Variants in SAMTOR observed in about 807,000 individuals in gnomAD.
SAMTOR encodes UPF0532 protein C7orf60.
chr7:112,902,462 C>CAAAA, the SAMTOR span, among the ~76,000 whole-genome samples: 67 of 83,624 alleles, frequency 8.0e-4, no homozygotes, highest in East Asian at 2.2e-3. Context: ...AAAAAAAAAC[C>CAAAA]AAAAAAGTTG....
the SAMTOR span, among the ~76,000 whole-genome samples, chr7:112,880,051 G>A: frequency 6.6e-6 from 1 of 152,058 alleles, no homozygotes; most frequent in East Asian, 1.9e-4. Context: ...TTTTTTGAAT[G>A]CTGTACCTCT....
chr7:112,922,820 G>T, the SAMTOR span, among the ~76,000 whole-genome samples: 2 of 151,106 alleles, frequency 1.3e-5, no homozygotes, highest in Admixed American at 1.3e-4. Context: ...CGCCCCGTCC[G>T]GGAGGGAGGT....
At chr7:112,881,971 T>C in the SAMTOR span, among the ~76,000 whole-genome samples, 4 of 152,336 alleles carry the variant, frequency 2.6e-5, no homozygotes, top group East Asian at 1.9e-4. Flanking sequence ...CCCAGACCAA[T>C]TGGCTCCCTG....
At chr7:112,939,510 C>T in the SAMTOR span, 1 of 1,601,538 alleles carries the variant, frequency 6.2e-7, no homozygotes, top group Non-Finnish European at 8.5e-7. Flanking sequence ...TAATGGTGGC[C>T]TCTTTGGAGG....
the SAMTOR span, among the ~76,000 whole-genome samples, chr7:112,857,617 G>A: frequency 4.6e-5 from 7 of 152,260 alleles, no homozygotes; most frequent in African/African-American, 1.7e-4. Flanking sequence ...AAATGAAAAA[G>A]TTTCAGAGCT....
chr7:112,893,893 C>T, the SAMTOR span, among the ~76,000 whole-genome samples: 4 of 152,328 alleles, frequency 2.6e-5, no homozygotes, highest in South Asian at 4.1e-4. Context: ...CAGAGCGAGA[C>T]TCCGTCTCAA....
At chr7:112,878,629 T>C in the SAMTOR span, among the ~76,000 whole-genome samples, 1 of 152,148 alleles carries the variant, frequency 6.6e-6, no homozygotes, top group African/African-American at 2.4e-5. Flanking sequence ...TGTAAAAGGA[T>C]GTTCTAGGCA....
chr7:112,935,390 G>A, the SAMTOR span: 2 of 270,328 alleles, frequency 7.4e-6, no homozygotes, highest in African/African-American at 2.3e-5. Flanking sequence ...TAGCCTTTTT[G>A]GTTTAAAATT....
At chr7:112,844,223 A>T in the SAMTOR span, among the ~76,000 whole-genome samples, 1 of 152,128 alleles carries the variant, frequency 6.6e-6, no homozygotes, top group Admixed American at 6.6e-5. Context: ...GCACATGACA[A>T]GGATGCCCTC....
the SAMTOR span, among the ~76,000 whole-genome samples, chr7:112,859,984 C>G: frequency 6.6e-6 from 1 of 152,172 alleles, no homozygotes; most frequent in African/African-American, 2.4e-5. Context: ...CACTCATTCA[C>G]TCTCACCCAG....
chr7:112,929,192 T>G, the SAMTOR span, among the ~76,000 whole-genome samples: 4 of 151,696 alleles, frequency 2.6e-5, no homozygotes, highest in Admixed American at 6.6e-5. Context: ...ATATACCTGA[T>G]AAGGGGTTAA....
chr7:112,887,705 T>A, the SAMTOR span, among the ~76,000 whole-genome samples: 1 of 152,218 alleles, frequency 6.6e-6, no homozygotes, highest in African/African-American at 2.4e-5. Context: ...GTCTATTTCA[T>A]CCAAGTTATC....
the SAMTOR span, among the ~76,000 whole-genome samples, chr7:112,842,017 C>G: frequency 6.6e-6 from 1 of 152,038 alleles, no homozygotes; most frequent in African/African-American, 2.4e-5. Flanking sequence ...TATACAAAGC[C>G]TTTATAGGTC....
chr7:112,917,800 T>G, the SAMTOR span, among the ~76,000 whole-genome samples: 3 of 152,040 alleles, frequency 2.0e-5, no homozygotes, highest in Non-Finnish European at 2.9e-5. Flanking sequence ...ACGTGAAGAA[T>G]GCAGAAGCCT....
chr7:112,821,333 C>T, the SAMTOR span: 1 of 153,872 alleles, frequency 6.5e-6, no homozygotes, highest in Non-Finnish European at 1.4e-5. Context: ...TTTTCTGTAT[C>T]ACATTTAACT....
At chr7:112,857,079 CTTTTTTTTTTT>C in the SAMTOR span, among the ~76,000 whole-genome samples, 2 of 105,782 alleles carry the variant, frequency 1.9e-5, no homozygotes, top group Admixed American at 1.1e-4. Flanking sequence ...TTCTTTTAAT[CTTTTTTTTTTT>C]TTTTTTTTTT....
chr7:112,829,977 T>C, the SAMTOR span, among the ~76,000 whole-genome samples: 1 of 152,186 alleles, frequency 6.6e-6, no homozygotes, highest in Non-Finnish European at 1.5e-5. Context: ...CAGCTGAGTA[T>C]TCAAAGGGGA....
At chr7:112,834,919 A>C in the SAMTOR span, among the ~76,000 whole-genome samples, 1 of 152,140 alleles carries the variant, frequency 6.6e-6, no homozygotes, top group Non-Finnish European at 1.5e-5. Flanking sequence ...ATACTTTAAA[A>C]ATTATGTGAG....
At chr7:112,900,634 A>G in the SAMTOR span, among the ~76,000 whole-genome samples, 3 of 152,260 alleles carry the variant, frequency 2.0e-5, no homozygotes, top group African/African-American at 7.2e-5. Flanking sequence ...CAACTTCAAG[A>G]CTTACTATAA....
Sources: allele counts gnomAD v4.1 joint callset (sites outside exome capture counted in the v4.1 genomes callset), GRCh38; gene constraint gnomAD v4.1.1; transcripts MANE v1.5; gene names NCBI Gene and HGNC (gene_info 2026-07-23, HGNC 2026-07-21).